MGST2: variants seen among roughly 807,000 people sequenced by gnomAD.
MGST2 encodes glutathione peroxidase MGST2.
In MGST2, 9 loss-of-function variants were observed where a neutral mutation model predicts 16.6. That is an observed-to-expected ratio of 0.54 (90% CI 0.33 to 0.95). The LOEUF (loss-of-function observed/expected upper bound fraction) is 0.95. Ranked by LOEUF, MGST2 falls within the 40% of genes least tolerant of loss-of-function variation. MGST2 has a pLI of 0.03. For missense variants in MGST2, 159 were observed against 175.1 expected (o/e 0.91, Z 0.52); for synonymous variants, 79 against 68.0 (o/e 1.16, Z -0.79).
intron 5 of MGST2, chr4:139,716,664 A>G (rs921885941): frequency 1.3e-5 from 2 of 152,616 alleles, no homozygotes; most frequent in African/African-American, 2.4e-5. Context: ...TGAGAAAAGA[A>G]CTGCAGTTAA....
chr4:139,675,464 A>G (rs1176670507), intron 1 of MGST2, among the ~76,000 whole-genome samples: 1 of 152,200 alleles, frequency 6.6e-6, no homozygotes, highest in African/African-American at 2.4e-5. Flanking sequence ...ATCAGAGTTG[A>G]TTATCTAATG....
intron 2 of MGST2, among the ~76,000 whole-genome samples, chr4:139,682,568 CT>C (rs768650803): frequency 3.3e-5 from 5 of 152,176 alleles, no homozygotes; most frequent in Non-Finnish European, 7.4e-5. Flanking sequence ...CTGTAGGGGA[CT>C]TTGGCTTTTC....
chr4:139,709,138 A>C (rs1311438421), downstream of MGST2, among the ~76,000 whole-genome samples: 2 of 116,010 alleles, frequency 1.7e-5, no homozygotes, highest in African/African-American at 6.8e-5. Context: ...GCCGGAGTGC[A>C]GTGGTGCGAT....
At chr4:139,742,941 T>G (rs1434054101), downstream of MGST2, among the ~76,000 whole-genome samples, 1 of 152,210 alleles carries the variant, frequency 6.6e-6, no homozygotes, top group Non-Finnish European at 1.5e-5. Context: ...ACATCTGGGA[T>G]GTAGCACCAG....
intron 1 of MGST2, 39 bp downstream of exon 1, chr4:139,666,116 GCGTGT>G (rs769871880): frequency 0.24 from 339,567 of 1,428,054 alleles, 42,302 homozygotes; most frequent in African/African-American, 0.58. Flanking sequence ...GCGCGTGTGT[GCGTGT>G]GTGTGTGTGT....
intron 5 of MGST2, among the ~76,000 whole-genome samples, chr4:139,738,834 C>T (rs1729053769): frequency 6.6e-6 from 1 of 152,174 alleles, no homozygotes; most frequent in Non-Finnish European, 1.5e-5. Flanking sequence ...TATATTTCCT[C>T]CTAGTTTTAT....
chr4:139,747,448 C>T, the MGST2 span, among the ~76,000 whole-genome samples: 1 of 152,200 alleles, frequency 6.6e-6, no homozygotes, highest in Non-Finnish European at 1.5e-5. Context: ...AATCCCAGCA[C>T]TTTGGGAGGC....
intron 5 of MGST2, among the ~76,000 whole-genome samples, chr4:139,711,089 C>A (rs898327616): frequency 6.6e-6 from 1 of 151,676 alleles, no homozygotes; most frequent in South Asian, 2.1e-4. Flanking sequence ...TCACAATCCA[C>A]TGCAGCCTTG....
chr4:139,745,372 A>G (rs994563876), downstream of MGST2, among the ~76,000 whole-genome samples: 2 of 152,186 alleles, frequency 1.3e-5, no homozygotes, highest in African/African-American at 4.8e-5. Context: ...CAGGTAAGCT[A>G]GTGTCAGATT....
chr4:139,722,725 A>G (rs546805279), intron 5 of MGST2, among the ~76,000 whole-genome samples: 1 of 152,332 alleles, frequency 6.6e-6, no homozygotes, highest in African/African-American at 2.4e-5. Context: ...AGTCATTAAG[A>G]CCTTTGAAAT....
chr4:139,725,819 T>C (rs760566067), intron 5 of MGST2: 8 of 1,613,924 alleles, frequency 5.0e-6, no homozygotes, highest in South Asian at 1.1e-5. Context: ...CCGGGGTAGA[T>C]GTGATTGCTG....
chr4:139,751,162 C>G, the MGST2 span, among the ~76,000 whole-genome samples: 1 of 152,214 alleles, frequency 6.6e-6, no homozygotes, highest in African/African-American at 2.4e-5. Flanking sequence ...AAAAATATCT[C>G]TCCCATGTCC....
downstream of MGST2, among the ~76,000 whole-genome samples, chr4:139,708,613 G>C (rs901896186): frequency 6.6e-6 from 1 of 152,168 alleles, no homozygotes; most frequent in Non-Finnish European, 1.5e-5. Context: ...GTCATTGGTA[G>C]CTTGATGGGG....
At chr4:139,721,680 A>G (rs1366690744) in intron 5 of MGST2, among the ~76,000 whole-genome samples, 1 of 152,202 alleles carries the variant, frequency 6.6e-6, no homozygotes, top group Non-Finnish European at 1.5e-5. Context: ...GTGGCTTGAG[A>G]TCAATATCAT....
intron 5 of MGST2, among the ~76,000 whole-genome samples, chr4:139,727,781 A>G (rs1208361015): frequency 6.6e-6 from 1 of 152,152 alleles, no homozygotes; most frequent in Non-Finnish European, 1.5e-5. Context: ...AATATGTAAG[A>G]TCCCAAATCC....
At chr4:139,741,118 G>A (rs941147030), downstream of MGST2, among the ~76,000 whole-genome samples, 2 of 152,192 alleles carry the variant, frequency 1.3e-5, no homozygotes, top group Non-Finnish European at 2.9e-5. Flanking sequence ...GCCCAGCTGC[G>A]GTGGTGGGGT....
intron 3 of MGST2, among the ~76,000 whole-genome samples, chr4:139,700,133 T>TC (rs1727160569): frequency 2.2e-5 from 3 of 136,122 alleles, no homozygotes; most frequent in Admixed American, 2.2e-4. Context: ...TTTGCTTTTT[T>TC]TTTTTTTTTT....
chr4:139,670,114 AG>A (rs1399872878), intron 1 of MGST2, among the ~76,000 whole-genome samples: 1 of 152,106 alleles, frequency 6.6e-6, no homozygotes, highest in African/African-American at 2.4e-5. Context: ...GGAGTTTCAG[AG>A]GACTGCCCAG....
chr4:139,710,910 G>A (rs1727714048), intron 5 of MGST2, among the ~76,000 whole-genome samples: 1 of 152,020 alleles, frequency 6.6e-6, no homozygotes, highest in Non-Finnish European at 1.5e-5. Context: ...ACATCTATGT[G>A]ATTTATTAAC....
Sources: allele counts gnomAD v4.1 joint callset (sites outside exome capture counted in the v4.1 genomes callset), GRCh38; gene constraint gnomAD v4.1.1; transcripts MANE v1.5; gene names NCBI Gene and HGNC (gene_info 2026-07-23, HGNC 2026-07-21).